PTBP2: variants seen among roughly 807,000 people sequenced by gnomAD.
The protein encoded by PTBP2 is polypyrimidine tract-binding protein 2.
In PTBP2, 13 loss-of-function variants were observed where a neutral mutation model predicts 61.4. The observed-to-expected ratio is 0.21, with a 90% CI of 0.14 to 0.34. The LOEUF (loss-of-function observed/expected upper bound fraction) is 0.34, where lower values mean the gene tolerates loss of function less well. Ranked by LOEUF, PTBP2 falls within the 10% of genes least tolerant of loss-of-function variation. The pLI, the probability that PTBP2 is intolerant of heterozygous loss-of-function variation, is 1.00. For missense variants in PTBP2, 405 were observed against 642.6 expected, an observed-to-expected ratio of 0.63 and a Z score of 4.00; for synonymous variants, 215 against 218.5, an observed-to-expected ratio of 0.98 and a Z score of 0.14.
intron 5 of PTBP2, among the ~76,000 whole-genome samples, chr1:96,776,658 T>C (rs1164370059): frequency 1.3e-5 from 2 of 151,896 alleles, no homozygotes; most frequent in Non-Finnish European, 2.9e-5. Flanking sequence ...TTAGAACTAT[T>C]TGCCTTTGTA....
chr1:96,724,908 T>C (rs1454444837), intron 2 of PTBP2, among the ~76,000 whole-genome samples: 1 of 152,170 alleles, frequency 6.6e-6, no homozygotes, highest in Non-Finnish European at 1.5e-5. Context: ...TCAAATACTT[T>C]TGGGGATGGT....
At chr1:96,731,891 A>C (rs1372394180) in intron 2 of PTBP2, among the ~76,000 whole-genome samples, 2 of 152,164 alleles carry the variant, frequency 1.3e-5, no homozygotes, top group African/African-American at 4.8e-5. Context: ...CTTGCAAAGT[A>C]ATCGGCCTAT....
chr1:96,806,446 C>T lies in PTBP2; in HGVS notation c.1072C>T (p.Leu358Phe). The T allele has an allele frequency of 1.2e-6, 2 of 1,604,378 alleles. No individual in the cohort carries two copies. Among genetic ancestry groups the T allele is most frequent in the Non-Finnish European group, 8.5e-7 (1 of 1,171,306 alleles). The change falls in exon 10 of 14, where the codon CTC becomes TTC. Residue 358 changes from leucine (L) to phenylalanine (F), a missense_variant. By Grantham distance (22) the Leu-to-Phe change is conservative (BLOSUM62 0). Transcript: ENST00000674951. ...EMVTPQSLFT[L>F]FGVYGDVQRV... ...GGTTACGCCCCAAAGTCTGTTTACCCTCTTCGGTATGTTATTGTTAGCACT... is the reference window on the plus strand; with the variant it reads ...GGTTACGCCCCAAAGTCTGTTTACCTTCTTCGGTATGTTATTGTTAGCACT...
intron 8 of PTBP2, among the ~76,000 whole-genome samples, chr1:96,795,065 G>A (rs1326822912): frequency 6.6e-6 from 1 of 152,132 alleles, no homozygotes; most frequent in Non-Finnish European, 1.5e-5. Context: ...AGTTTTAGAT[G>A]TTTGGCTTTT....
chr1:96,766,699 A>G lies in PTBP2; in HGVS notation c.116-3004A>G, dbSNP rs1656762890. On this transcript the variant is annotated intron_variant, in intron 3 of 13. Transcript: ENST00000674951. The stretch of plus-strand genomic sequence containing the variant: ...CTTTTATAATATTTGGCACTAAGAT[A>G]TGAATACTTAGTAGTCACCTCATGG... Among the ~76,000 whole-genome samples the G allele has an allele frequency of 2.0e-5, 3 of 152,320 alleles. No homozygotes were observed. The South Asian group carries it at 6.2e-4, about 32-fold the overall frequency.
At chr1:96,775,122 G>C (rs946250190) in intron 5 of PTBP2, among the ~76,000 whole-genome samples, 1 of 152,106 alleles carries the variant, frequency 6.6e-6, no homozygotes, top group Non-Finnish European at 1.5e-5. Context: ...ATTAGGTTTG[G>C]ATTGAGAGTG....
intron 2 of PTBP2, among the ~76,000 whole-genome samples, chr1:96,740,179 G>T (rs910133708): frequency 2.0e-5 from 3 of 152,096 alleles, no homozygotes; most frequent in Non-Finnish European, 4.4e-5. Context: ...TCATAACTCA[G>T]ACTTCCATAA....
intron 3 of PTBP2, among the ~76,000 whole-genome samples, chr1:96,755,783 A>C (rs1467043816): frequency 6.6e-6 from 1 of 152,198 alleles, no homozygotes; most frequent in Admixed American, 6.5e-5. Flanking sequence ...GGGAAATGCA[A>C]ACTAATCTAA....
intron 2 of PTBP2, among the ~76,000 whole-genome samples, chr1:96,733,979 G>A (rs745664024): frequency 4.6e-5 from 7 of 152,084 alleles, no homozygotes; most frequent in Admixed American, 6.5e-5. Flanking sequence ...CTTGGTCTAC[G>A]TGTGTTCCTA....
At chr1:96,744,921 C>CT (rs1300555663) in intron 2 of PTBP2, among the ~76,000 whole-genome samples, 3 of 152,054 alleles carry the variant, frequency 2.0e-5, no homozygotes, top group African/African-American at 7.2e-5. Flanking sequence ...ATTCAGGTTT[C>CT]TTATTGTCAT....
intron 2 of PTBP2, among the ~76,000 whole-genome samples, chr1:96,732,564 C>T (rs545219552): frequency 1.3e-5 from 2 of 152,224 alleles, no homozygotes; most frequent in East Asian, 3.9e-4. Flanking sequence ...TGCTCATACT[C>T]TAATGAGCCA....
rs1474843299 is a variant in PTBP2, at chr1:96,810,929, G to A, written c.1172-1783G>A. ...ATTAAGTATGTGAAATGCAGTGTGA[G>A]AAACAAATGAGAAAATTCAGACTTG... On this transcript the variant is annotated intron_variant, in intron 11 of 13. Transcript: ENST00000674951. Among the ~76,000 whole-genome samples the A allele has an allele frequency of 2.6e-5, 4 of 152,266 alleles. 1 individual carries two copies. The East Asian group carries it at 7.7e-4, about 29-fold the overall frequency.
At chr1:96,799,517 C>T (rs915832303) in intron 8 of PTBP2, among the ~76,000 whole-genome samples, 3 of 151,808 alleles carry the variant, frequency 2.0e-5, no homozygotes, top group Admixed American at 6.6e-5. Flanking sequence ...AGGATGGTCT[C>T]GATCTCCTGA....
chr1:96,736,396 A>G (rs1202214880), intron 2 of PTBP2, among the ~76,000 whole-genome samples: 3 of 152,020 alleles, frequency 2.0e-5, no homozygotes, highest in Admixed American at 2.0e-4. Flanking sequence ...AATCATAACA[A>G]TATGTGAGAG....
At chr1:96,747,120 C>T (rs74843329) in intron 2 of PTBP2, among the ~76,000 whole-genome samples, 6 of 151,036 alleles carry the variant, frequency 4.0e-5, no homozygotes, top group Non-Finnish European at 7.4e-5. Flanking sequence ...CATATTGTTG[C>T]GGATTAATAC....
rs1659076561 is a variant in PTBP2 at position 96,785,064 on chromosome 1, A to G, written c.714A>G (p.Leu238=). The change falls in exon 8 of 14, where the codon CTA becomes CTG. Residue 238 remains leucine (L), a synonymous_variant. Transcript: ENST00000674951. The part of the protein sequence containing the change: ...PVNAQQAKLA[L]DGQNIYNACC... The stretch of plus-strand genomic sequence containing the variant: ...TGCTTTATTCACTTTTACAGGCCCT[A>G]GATGGTCAGAATATTTATAATGCCT... 6 of 1,580,622 alleles carry G rather than the reference A, an allele frequency of 3.8e-6. No homozygotes were observed. The highest frequency in any genetic ancestry group is 4.3e-6 in the Non-Finnish European group (5 of 1,162,502).
At chr1:96,802,211 GAAAAAAAAAAAA>G (rs5776325) in intron 8 of PTBP2, among the ~76,000 whole-genome samples, 3 of 54,008 alleles carry the variant, frequency 5.6e-5, no homozygotes, top group African/African-American at 1.6e-4. Flanking sequence ...ACTCCGTCTC[GAAAAAAAAAAAA>G]AAAAAAAAAA....
At chr1:96,802,708 G>T (rs543325715) in intron 8 of PTBP2, among the ~76,000 whole-genome samples, 6 of 152,100 alleles carry the variant, frequency 3.9e-5, no homozygotes, top group African/African-American at 1.4e-4. Flanking sequence ...GTGGTTTTTT[G>T]TTTGTTTGCC....
chr1:96,756,611 C>T (rs997717733), intron 3 of PTBP2, among the ~76,000 whole-genome samples: 1 of 139,276 alleles, frequency 7.2e-6, no homozygotes, highest in African/African-American at 3.3e-5. Flanking sequence ...TGTTAATCAG[C>T]ACTAAATGGA....
Sources: gnomAD v4.1 joint callset for allele counts (sites outside exome capture counted in the v4.1 genomes callset) on GRCh38, gnomAD v4.1.1 for gene constraint, MANE v1.5 for transcripts, NCBI Gene and HGNC (gene_info 2026-07-23, HGNC 2026-07-21) for gene names.